The following TNIK variants were observed in gnomAD, a reference collection of about 807,000 sequenced individuals.
TNIK encodes TRAF2 and NCK interacting kinase.
In TNIK, 49 loss-of-function variants were observed where a neutral mutation model predicts 191.3. That is an observed-to-expected ratio of 0.26 (90% CI 0.20 to 0.32). The LOEUF (loss-of-function observed/expected upper bound fraction) is 0.32. Among genes scored for constraint, TNIK ranks in the 10% least tolerant of loss-of-function variants. The pLI is 1.00. For synonymous variants in TNIK, 594 were observed against 600.9 expected, an observed-to-expected ratio of 0.99 and a Z score of 0.17; for missense variants, 1,155 against 1,702.3, an observed-to-expected ratio of 0.68 and a Z score of 5.66.
chr3:171,169,791 G>A (rs924645872), intron 9 of TNIK, among the ~76,000 whole-genome samples: 1 of 152,150 alleles, frequency 6.6e-6, no homozygotes, highest in Non-Finnish European at 1.5e-5. Flanking sequence ...CTTTTTCCCA[G>A]TATGCCTTGC....
intron 4 of TNIK, among the ~76,000 whole-genome samples, chr3:171,205,755 T>C (rs1035728562): frequency 6.6e-6 from 1 of 152,122 alleles, no homozygotes; most frequent in African/African-American, 2.4e-5. Context: ...TCCCACCTAA[T>C]GCAGAGTAAA....
At chr3:171,250,466 A>G (rs751424767) in intron 2 of TNIK, among the ~76,000 whole-genome samples, 4 of 152,228 alleles carry the variant, frequency 2.6e-5, no homozygotes, top group Non-Finnish European at 5.9e-5. Flanking sequence ...TTTCGTGTCC[A>G]AACCTGATAG....
chr3:171,411,103 G>T (rs1354243816), intron 1 of TNIK, among the ~76,000 whole-genome samples: 4 of 149,958 alleles, frequency 2.7e-5, no homozygotes, highest in Non-Finnish European at 5.9e-5. Flanking sequence ...GCCTCACGCT[G>T]TGTCACCCAG....
At chr3:171,064,704 T>C (rs1484710639) in intron 32 of TNIK, among the ~76,000 whole-genome samples, 1 of 152,168 alleles carries the variant, frequency 6.6e-6, no homozygotes, top group Non-Finnish European at 1.5e-5. Context: ...TTGCTTGAGC[T>C]GAATGTTTAA....
At chr3:171,232,340 T>TG (rs896925776) in intron 2 of TNIK, among the ~76,000 whole-genome samples, 1 of 146,040 alleles carries the variant, frequency 6.8e-6, no homozygotes, top group Non-Finnish European at 1.5e-5. Flanking sequence ...AATGTATGAA[T>TG]GAAAAAAAAA....
intron 18 of TNIK, among the ~76,000 whole-genome samples, chr3:171,114,631 T>C: frequency 6.6e-6 from 1 of 152,232 alleles, no homozygotes; most frequent in Non-Finnish European, 1.5e-5. Flanking sequence ...TCATGATTCA[T>C]TAATATGATC....
At chr3:171,299,210 A>C (rs1355727492) in intron 2 of TNIK, among the ~76,000 whole-genome samples, 1 of 152,146 alleles carries the variant, frequency 6.6e-6, no homozygotes, top group Non-Finnish European at 1.5e-5. Flanking sequence ...GCACAGCCGC[A>C]GGCTTCTGTG....
rs1251119985 is a variant in TNIK, at chr3:171,311,904, T to C, written c.123+57716A>G. Among the ~76,000 whole-genome samples, 12 of 149,614 alleles carry C rather than the reference T, an allele frequency of 8.0e-5. No homozygotes were observed. The South Asian group carries it at 1.3e-3, about 16-fold the overall frequency. The stretch of plus-strand genomic sequence containing the variant: ...ATTTTTATAGCCGCATTGGCAAGAG[T>C]GTGAAGGATTCCAGCAGCAAACATA... On this transcript the variant is annotated intron_variant, in intron 2 of 32. Transcript: ENST00000436636.
chr3:171,161,240 C>A, intron 11 of TNIK, 30 bp downstream of exon 11: 1 of 1,603,518 alleles, frequency 6.2e-7, no homozygotes, highest in Non-Finnish European at 8.5e-7. Context: ...AGAATGTGAA[C>A]ATTAGAAGAC....
chr3:171,234,961 G>T (rs376842352), intron 2 of TNIK, among the ~76,000 whole-genome samples: 2 of 152,150 alleles, frequency 1.3e-5, no homozygotes, highest in East Asian at 3.9e-4. Context: ...GCTCTCACTG[G>T]CTCTCATCTA....
At position 171,306,350 on chromosome 3, in the gene TNIK, C is replaced by A. The variant is rs188654352; in HGVS notation, c.123+63270G>T. Among the ~76,000 whole-genome samples the A allele has an allele frequency of 3.2e-3, 485 of 152,128 alleles. 3 individuals carry two copies. The highest frequency in any genetic ancestry group is 6.1e-3 in the Non-Finnish European group (413 of 67,998). On this transcript the variant is annotated intron_variant, in intron 2 of 32. Coordinates refer to ENST00000436636, the MANE Select transcript of TNIK (RefSeq NM_015028.4). ...CCTATGTAACAAACCTGCACGTGTA[C>A]CCCTGAAGCTAAAGTAAAAGTTAAA...
chr3:171,165,689 G>A (rs1734528543), intron 10 of TNIK, among the ~76,000 whole-genome samples: 1 of 152,188 alleles, frequency 6.6e-6, no homozygotes, highest in Non-Finnish European at 1.5e-5. Context: ...GAAATGGAGA[G>A]GAAGGAAGCA....
intron 2 of TNIK, among the ~76,000 whole-genome samples, chr3:171,252,624 T>C (rs1746368514): frequency 6.6e-6 from 1 of 152,276 alleles, no homozygotes; most frequent in East Asian, 1.9e-4. Context: ...GGCCTACCAG[T>C]GGGAATTAAA....
intron 28 of TNIK, among the ~76,000 whole-genome samples, chr3:171,078,307 C>T (rs531698274): frequency 1.4e-4 from 22 of 152,168 alleles, no homozygotes; most frequent in East Asian, 9.6e-4. Context: ...GATTTTGAAC[C>T]ACTTGGACTG....
At chr3:171,376,765 T>TAGAC in intron 1 of TNIK, among the ~76,000 whole-genome samples, 1 of 152,120 alleles carries the variant, frequency 6.6e-6, no homozygotes, top group East Asian at 1.9e-4. Context: ...GATAGATAGA[T>TAGAC]AGATAGATAG....
At chr3:171,258,919 CAT>C (rs1194859700) in intron 2 of TNIK, among the ~76,000 whole-genome samples, 1 of 152,150 alleles carries the variant, frequency 6.6e-6, no homozygotes, top group Non-Finnish European at 1.5e-5. Context: ...CATGTACACA[CAT>C]AAAATAATCA....
At chr3:171,139,363 GACACACGCACGCGCGCACACACACAC>G in intron 14 of TNIK, 81 bp downstream of exon 14, 2 of 891,726 alleles carry the variant, frequency 2.2e-6, no homozygotes, top group Non-Finnish European at 3.5e-6. Context: ...ATGTTAGAAG[GACACACGCACGCGCGCACACACACAC>G]ACACACACAC....
chr3:171,224,783 A>G (rs1290867691), intron 3 of TNIK, among the ~76,000 whole-genome samples: 1 of 152,166 alleles, frequency 6.6e-6, no homozygotes, highest in Non-Finnish European at 1.5e-5. Context: ...GCTGAGAGGT[A>G]AATCCCAGAC....
chr3:171,074,988 G>T (rs1453385187), intron 28 of TNIK, among the ~76,000 whole-genome samples: 1 of 152,214 alleles, frequency 6.6e-6, no homozygotes, highest in Non-Finnish European at 1.5e-5. Flanking sequence ...TGAAGGGACG[G>T]CAATGATTAG....
Sources: gnomAD v4.1 joint callset for allele counts (sites outside exome capture counted in the v4.1 genomes callset) on GRCh38, gnomAD v4.1.1 for gene constraint, MANE v1.5 for transcripts, NCBI Gene and HGNC (gene_info 2026-07-23, HGNC 2026-07-21) for gene names.